Variants in HERC6 observed in about 807,000 individuals in gnomAD.
HERC6 encodes probable E3 ubiquitin-protein ligase HERC6.
A neutral mutation model predicts 114.5 loss-of-function variants in HERC6; 101 were observed. The ratio of observed to expected loss-of-function variants is 0.88; its 90% CI spans 0.75 to 1.04. HERC6 has a LOEUF of 1.04. Among genes scored for constraint, HERC6 ranks in the 50% least tolerant of loss-of-function variants. The probability of loss-of-function intolerance (pLI) is 0.00; values close to 1 mark genes in which losing one functional copy is unlikely to be tolerated. For synonymous variants in HERC6, 408 were observed against 436.2 expected, an observed-to-expected ratio of 0.94 and a Z score of 0.81; for missense variants, 1,133 against 1,230.9, an observed-to-expected ratio of 0.92 and a Z score of 1.19.
At chr4:88,425,645 C>T (rs1737531880) in intron 15 of HERC6, among the ~76,000 whole-genome samples, 1 of 152,150 alleles carries the variant, frequency 6.6e-6, no homozygotes, top group Non-Finnish European at 1.5e-5. Flanking sequence ...TTTCCACTTA[C>T]TTTCACCCTT....
At chr4:88,425,953 A>G (rs974544178) in intron 15 of HERC6, among the ~76,000 whole-genome samples, 3 of 152,320 alleles carry the variant, frequency 2.0e-5, no homozygotes, top group Non-Finnish European at 4.4e-5. Flanking sequence ...TGGGTGAAAC[A>G]TAAGAAGTCT....
intron 13 of HERC6, among the ~76,000 whole-genome samples, chr4:88,421,735 C>T (rs557508647): frequency 9.9e-5 from 15 of 152,208 alleles, no homozygotes; most frequent in Admixed American, 1.3e-4. Context: ...CATAAGCCAC[C>T]GCACCCGACC....
At chr4:88,388,523 C>G (rs1207565735) in intron 3 of HERC6, among the ~76,000 whole-genome samples, 3 of 145,646 alleles carry the variant, frequency 2.1e-5, no homozygotes, top group East Asian at 2.0e-4. Context: ...TGCACTCAAG[C>G]CTGGGTGACA....
At position 88,390,801 on chromosome 4, in the gene HERC6, C is replaced by T. The variant is rs747139528; in HGVS notation, c.586C>T (p.Leu196=). 2 of 1,614,132 alleles carry T rather than the reference C, an allele frequency of 1.2e-6. No individual in the cohort carries two copies. Among genetic ancestry groups the T allele is most frequent in the South Asian group, 1.1e-5 (1 of 91,086 alleles). The change falls in exon 4 of 23, where the codon CTG becomes TTG. Residue 196 remains leucine, a synonymous_variant. Transcript: ENST00000264346. ...VAAGGAHSFA[L]SLCGTSFGWG... is the part of the protein sequence containing the mutation. ...TGCCGGAGGGGCTCACAGCTTTGCC[C>T]TGTCTCTCTGTGGGACTTCGTTTGG...
At chr4:88,424,215 A>T (rs953525873) in intron 14 of HERC6, among the ~76,000 whole-genome samples, 2 of 152,204 alleles carry the variant, frequency 1.3e-5, no homozygotes, top group Admixed American at 6.5e-5. Context: ...GGCCAGGTGC[A>T]GTGGCTCACA....
intron 17 of HERC6, among the ~76,000 whole-genome samples, chr4:88,433,837 CAGG>C (rs1478567226): frequency 1.3e-5 from 2 of 152,200 alleles, no homozygotes; most frequent in East Asian, 3.9e-4. Context: ...AAAGGACAGG[CAGG>C]AGGAGGAGAA....
intron 19 of HERC6, 55 bp downstream of exon 19, chr4:88,437,026 T>A: frequency 1.6e-6 from 2 of 1,277,968 alleles, no homozygotes; most frequent in Non-Finnish European, 2.2e-6. Context: ...TTCTAAAAAA[T>A]AATTTTTATT....
intron 1 of HERC6, among the ~76,000 whole-genome samples, chr4:88,382,193 C>A (rs1308070855): frequency 6.6e-6 from 1 of 152,058 alleles, no homozygotes; most frequent in Non-Finnish European, 1.5e-5. Flanking sequence ...AAAACAAAAT[C>A]TTAAATGTTG....
chr4:88,400,690 C>T (rs759186949), intron 8 of HERC6, among the ~76,000 whole-genome samples: 27 of 152,170 alleles, frequency 1.8e-4, no homozygotes, highest in Non-Finnish European at 2.9e-5. Context: ...AGGGTGAATA[C>T]AGTATAATAA....
At chr4:88,403,049 T>C (rs532703555) in intron 8 of HERC6, among the ~76,000 whole-genome samples, 3 of 152,354 alleles carry the variant, frequency 2.0e-5, no homozygotes, top group African/African-American at 7.2e-5. Context: ...GTATAAGTTA[T>C]AGCAGAGCAC....
intron 10 of HERC6, among the ~76,000 whole-genome samples, chr4:88,406,343 C>T (rs1334468515): frequency 6.6e-6 from 1 of 152,226 alleles, no homozygotes; most frequent in Non-Finnish European, 1.5e-5. Flanking sequence ...TGATACACAT[C>T]TTGTACCCAC....
At chr4:88,416,752 T>C (rs1288158861) in intron 12 of HERC6, among the ~76,000 whole-genome samples, 1 of 152,166 alleles carries the variant, frequency 6.6e-6, no homozygotes, top group East Asian at 1.9e-4. Flanking sequence ...GCATTTATTA[T>C]GTATTAAAGT....
At chr4:88,431,014 A>AGGG in intron 16 of HERC6, 148 bp from the exon 17 acceptor site, 1 of 667,290 alleles carries the variant, frequency 1.5e-6, no homozygotes, top group Non-Finnish European at 2.5e-6. Flanking sequence ...CAGCAAACTG[A>AGGG]GGGAAGACAG....
At chr4:88,411,070 G>T (rs1051283365) in intron 11 of HERC6, among the ~76,000 whole-genome samples, 1 of 152,052 alleles carries the variant, frequency 6.6e-6, no homozygotes, top group Non-Finnish European at 1.5e-5. Flanking sequence ...GGGTCTGAGT[G>T]GGTCCTTATA....
At position 88,424,716 on chromosome 4, in the gene HERC6, AT is replaced by A. The variant is rs1455423176; in HGVS notation, c.1935+20del. ...ATAAAGATGCAGGTATGTATGTCCTATTTTTTAGTATGAAAAATTTCAAACA... is the reference window on the plus strand; with the variant it reads ...ATAAAGATGCAGGTATGTATGTCCTATTTTTAGTATGAAAAATTTCAAACA... On this transcript the variant is annotated intron_variant, in intron 15 of 22. Coordinates refer to ENST00000264346, the MANE Select transcript of HERC6 (RefSeq NM_017912.4). The A allele has an allele frequency of 1.4e-6, 2 of 1,463,038 alleles. No homozygotes were observed. The highest frequency in any genetic ancestry group is 2.3e-5 in the East Asian group (1 of 43,866). The allele number at this position is 1,463,038 out of a possible 1,614,324, so 90.6% of individuals were successfully genotyped here.
rs895672532 is a variant in HERC6 at position 88,405,702 on chromosome 4, G to T, written c.1274+89G>T. ...CAAGTAAGTTTAATTTGTGAATTTT[G>T]TTATTCTTGCCCACAAAGTCCAACA... On this transcript the variant is annotated intron_variant, in intron 10 of 22. Coordinates refer to ENST00000264346, the MANE Select transcript of HERC6 (RefSeq NM_017912.4). 15 of 670,370 alleles carry T rather than the reference G, an allele frequency of 2.2e-5. No homozygotes were observed. The Admixed American group carries it at 5.1e-4, about 23-fold the overall frequency. 41.5% of individuals were successfully genotyped at this position (670,370 alleles called of 1,614,324 possible).
At chr4:88,383,169 A>C (rs776663679) in intron 1 of HERC6, 52 bp from the exon 2 acceptor site, 45 of 1,575,448 alleles carry the variant, frequency 2.9e-5, no homozygotes, top group Non-Finnish European at 3.8e-5. Flanking sequence ...ACTTGTGTTA[A>C]ATTAATAATC....
rs1161688264 is a variant in HERC6, at chr4:88,379,090, C to A, written c.169C>A (p.Arg57Ser). The A allele has an allele frequency of 6.5e-7, 1 of 1,545,184 alleles. No individual in the cohort carries two copies. The highest frequency in any genetic ancestry group is 8.7e-7 in the Non-Finnish European group (1 of 1,146,618). ...CGDNSRGQLG[R>S]RGAQRGELPE... The stretch of plus-strand genomic sequence containing the variant: ...AGACAACAGCAGGGGTCAGCTGGGC[C>A]GCAGGGGCGCGCAGCGCGGGGAGCT... Residue 57 changes from arginine (R) to serine (S), a missense_variant, in exon 1 of 23, where the codon CGC becomes AGC. Arg to Ser is a moderately radical substitution (Grantham distance 110, BLOSUM62 -1). Transcript: ENST00000264346.
At chr4:88,421,454 T>TTC (rs1737046012) in intron 13 of HERC6, among the ~76,000 whole-genome samples, 1 of 151,034 alleles carries the variant, frequency 6.6e-6, no homozygotes, top group African/African-American at 2.4e-5. Context: ...TTCTTTTCTT[T>TTC]TTTTTTTTTT....
Sources: allele counts gnomAD v4.1 joint callset (sites outside exome capture counted in the v4.1 genomes callset), GRCh38; gene constraint gnomAD v4.1.1; transcripts MANE v1.5; gene names NCBI Gene and HGNC (gene_info 2026-07-23, HGNC 2026-07-21).